Variants in SDK1 observed in about 807,000 individuals in gnomAD.
SDK1 encodes protein sidekick-1.
A neutral mutation model predicts 245.5 loss-of-function variants in SDK1; 157 were observed. That is an observed-to-expected ratio of 0.64 (90% CI 0.56 to 0.73). The LOEUF is 0.73. Among genes scored for constraint, SDK1 ranks in the 30% least tolerant of loss-of-function variants. The probability of loss-of-function intolerance (pLI) is 0.00; values close to 1 mark genes in which losing one functional copy is unlikely to be tolerated. For missense variants in SDK1, 3,583 were observed against 3,002.3 expected (o/e 1.19, Z -4.52); for synonymous variants, 1,647 against 1,278.5 (o/e 1.29, Z -6.15).
At chr7:3,531,475 T>C (rs919637083) in intron 1 of SDK1, among the ~76,000 whole-genome samples, 4 of 152,232 alleles carry the variant, frequency 2.6e-5, no homozygotes. Context: ...ACTTTTTCAC[T>C]GAGACCCCAG....
intron 12 of SDK1, among the ~76,000 whole-genome samples, chr7:3,972,152 T>C (rs971712669): frequency 2.7e-5 from 4 of 149,612 alleles, no homozygotes; most frequent in African/African-American, 9.9e-5. Flanking sequence ...TTATCTCAGC[T>C]CACTGCAAGC....
intron 19 of SDK1, among the ~76,000 whole-genome samples, chr7:4,060,061 T>G (rs929927821): frequency 2.0e-5 from 3 of 151,976 alleles, no homozygotes; most frequent in Non-Finnish European, 4.4e-5. Flanking sequence ...TTTGTATTTT[T>G]TAGTAGAGAC....
intron 5 of SDK1, among the ~76,000 whole-genome samples, chr7:3,901,027 A>G (rs555282780): frequency 3.9e-5 from 6 of 152,226 alleles, no homozygotes; most frequent in Non-Finnish European, 8.8e-5. Flanking sequence ...TAGTAAAAAC[A>G]TCTCCTTACC....
chr7:3,644,331 A>T (rs1782753577), intron 4 of SDK1, among the ~76,000 whole-genome samples: 1 of 151,738 alleles, frequency 6.6e-6, no homozygotes, highest in South Asian at 2.1e-4. Flanking sequence ...GATAATTGCT[A>T]TCCTTTTTTC....
chr7:3,319,178 G>A (rs1779733680), intron 1 of SDK1, among the ~76,000 whole-genome samples: 1 of 152,200 alleles, frequency 6.6e-6, no homozygotes, highest in Non-Finnish European at 1.5e-5. Flanking sequence ...AATGTGGTGT[G>A]TAGAAACTGG....
chr7:4,130,000 C>G lies in SDK1; in HGVS notation c.4032C>G (p.Arg1344=). Residue 1344 remains arginine (R), a synonymous_variant, in exon 27 of 45, where the codon CGC becomes CGG. Coordinates refer to ENST00000404826, the MANE Select transcript of SDK1 (RefSeq NM_152744.4). ...AGTCGGCCCTGCTGGCAGGCCTGCG[C>G]AAGTTCGTGCTCTACGAGCTCCAGG... ...HTQSALLAGL[R]KFVLYELQVL... The G allele has an allele frequency of 6.2e-7, 1 of 1,613,700 alleles. No homozygotes were observed. Among genetic ancestry groups the G allele is most frequent in the Non-Finnish European group, 8.5e-7 (1 of 1,179,964 alleles).
At position 3,686,067 on chromosome 7, in the gene SDK1, G is replaced by C. The variant is rs182616080; in HGVS notation, c.713+43962G>C. ...AAAAGACTAGAAAATGACATATGAG[G>C]CAAACTTTTTTTTATTTTATTTTTT... On this transcript the variant is annotated intron_variant, in intron 4 of 44. Transcript: ENST00000404826. Among the ~76,000 whole-genome samples, 346 of 100,170 alleles carry C rather than the reference G, an allele frequency of 3.5e-3. 2 individuals are homozygous for C. The highest frequency in any genetic ancestry group is 8.5e-3 in the African/African-American group (331 of 38,906). 65.7% of individuals were successfully genotyped at this position (100,170 alleles called of 152,430 possible).
At chr7:4,069,887 C>G (rs1266069027) in intron 20 of SDK1, among the ~76,000 whole-genome samples, 56 of 152,288 alleles carry the variant, frequency 3.7e-4, no homozygotes, top group Non-Finnish European at 2.9e-5. Context: ...GTGGTGACGT[C>G]CCACCATCAC....
At chr7:3,333,645 G>A (rs757449900) in intron 1 of SDK1, among the ~76,000 whole-genome samples, 1 of 152,030 alleles carries the variant, frequency 6.6e-6, no homozygotes, top group Non-Finnish European at 1.5e-5. Flanking sequence ...TAGCACAAAC[G>A]CCCTACCCTT....
intron 1 of SDK1, among the ~76,000 whole-genome samples, chr7:3,350,400 C>G (rs1341409214): frequency 1.3e-5 from 2 of 152,100 alleles, no homozygotes; most frequent in South Asian, 2.1e-4. Context: ...TGTTGTGATT[C>G]CAAATTTACT....
In SDK1 at chr7:3,663,047, A is replaced by G. The variant is rs901481000; in HGVS notation, c.713+20942A>G. On this transcript the variant is annotated intron_variant, in intron 4 of 44. Coordinates refer to ENST00000404826, the MANE Select transcript of SDK1 (RefSeq NM_152744.4). ...ATATATGTGTGTATGTATCAATCAG[A>G]TAGTACACATATTTGATCTCATTTT... Among the ~76,000 whole-genome samples, 12 of 152,238 alleles carry G rather than the reference A, an allele frequency of 7.9e-5. No homozygotes were observed. The South Asian group carries it at 1.0e-3, about 13-fold the overall frequency.
chr7:4,145,869 G>T lies in SDK1; in HGVS notation c.4376G>T (p.Gly1459Val), dbSNP rs1460474301. 1 of 1,613,420 alleles carries T rather than the reference G, an allele frequency of 6.2e-7. No individual in the cohort carries two copies. The highest frequency in any genetic ancestry group is 2.2e-5 in the East Asian group (1 of 44,866). ...AGGCTGTCCGCCAAGACGAGGCAGG[G>T]CTGGGGGGAGCCACTGGAGGCCACC... ...IFRLSAKTRQ[G>V]WGEPLEATVI... Residue 1459 changes from glycine to valine, a missense_variant, in exon 29 of 45, where the codon GGC becomes GTC. Gly to Val is a moderately radical substitution (Grantham distance 109, BLOSUM62 -3). Coordinates refer to ENST00000404826, the MANE Select transcript of SDK1 (RefSeq NM_152744.4).
chr7:3,848,914 C>T (rs1780348787), intron 5 of SDK1, among the ~76,000 whole-genome samples: 1 of 152,216 alleles, frequency 6.6e-6, no homozygotes. Context: ...TTATGATCCG[C>T]CCACCTCGGC....
chr7:3,610,970 A>C (rs1781569778), intron 1 of SDK1, among the ~76,000 whole-genome samples: 1 of 152,232 alleles, frequency 6.6e-6, no homozygotes, highest in South Asian at 2.1e-4. Context: ...CTTTGTGGTG[A>C]GATCAAGGAA....
intron 5 of SDK1, among the ~76,000 whole-genome samples, chr7:3,921,486 G>T (rs1215926356): frequency 6.6e-6 from 1 of 152,160 alleles, no homozygotes; most frequent in East Asian, 1.9e-4. Flanking sequence ...CCCAGAAGTG[G>T]AATTGTTGTG....
At chr7:3,421,727 A>G (rs1048066593) in intron 1 of SDK1, among the ~76,000 whole-genome samples, 1 of 152,176 alleles carries the variant, frequency 6.6e-6, no homozygotes, top group African/African-American at 2.4e-5. Context: ...TGGGCTTGAC[A>G]GTGGATGTTA....
chr7:3,321,166 A>C (rs980245542), intron 1 of SDK1, among the ~76,000 whole-genome samples: 2 of 152,210 alleles, frequency 1.3e-5, no homozygotes, highest in African/African-American at 4.8e-5. Flanking sequence ...TCTTTTTGAA[A>C]CTAAAAATCC....
intron 17 of SDK1, among the ~76,000 whole-genome samples, chr7:4,030,577 C>T (rs1787728934): frequency 6.6e-6 from 1 of 152,220 alleles, no homozygotes; most frequent in Non-Finnish European, 1.5e-5. Flanking sequence ...GTCTGCATAA[C>T]TCTATCTGGA....
chr7:3,331,549 G>A (rs1485982380), intron 1 of SDK1, among the ~76,000 whole-genome samples: 1 of 151,932 alleles, frequency 6.6e-6, no homozygotes, highest in Non-Finnish European at 1.5e-5. Flanking sequence ...TATCAGGTAT[G>A]ATTTTCAATC....
Sources: gnomAD v4.1 joint callset for allele counts (sites outside exome capture counted in the v4.1 genomes callset) on GRCh38, gnomAD v4.1.1 for gene constraint, MANE v1.5 for transcripts, NCBI Gene and HGNC (gene_info 2026-07-23, HGNC 2026-07-21) for gene names.